Variants in HOOK3 observed in about 807,000 individuals in gnomAD.
The protein encoded by HOOK3 is hook microtubule tethering protein 3, also known as protein Hook homolog 3.
A neutral mutation model predicts 116.3 loss-of-function variants in HOOK3; 24 were observed. The observed-to-expected ratio is 0.21, with a 90% CI of 0.15 to 0.29. The LOEUF is 0.29. Ranked by LOEUF, HOOK3 falls within the 10% of genes least tolerant of loss-of-function variation. The probability of loss-of-function intolerance (pLI) is 1.00; values close to 1 mark genes in which losing one functional copy is unlikely to be tolerated. For missense variants in HOOK3, 632 were observed against 830.2 expected (o/e 0.76, Z 2.93); for synonymous variants, 275 against 283.0 (o/e 0.97, Z 0.28).
chr8:43,011,245 G>A (rs901492110), intron 19 of HOOK3, among the ~76,000 whole-genome samples: 2 of 152,010 alleles, frequency 1.3e-5, no homozygotes, highest in Non-Finnish European at 2.9e-5. Flanking sequence ...CGCCCGCCTC[G>A]GCCTCCCAAA....
chr8:43,015,547 T>C (rs1225580013), intron 21 of HOOK3, among the ~76,000 whole-genome samples: 1 of 152,026 alleles, frequency 6.6e-6, no homozygotes, highest in South Asian at 2.1e-4. Context: ...CAAATACAGA[T>C]TTCTTGAAAA....
chr8:42,974,121 A>G lies in HOOK3; in HGVS notation c.1248A>G (p.Glu416=), dbSNP rs1200835481. ...TGTCTCTCCAGAGGCTGAGAACAGA[A>G]AGGGATTCTCTGAAGGAAACCATTG... ...LQKEKDRLRT[E]RDSLKETIEE... The change falls in exon 13 of 22, where the codon GAA becomes GAG. Residue 416 remains glutamate (E), a synonymous_variant. Transcript: ENST00000307602. The G allele has an allele frequency of 6.2e-7, 1 of 1,613,596 alleles. No individual in the cohort carries two copies. Among genetic ancestry groups the G allele is most frequent in the African/African-American group, 1.3e-5 (1 of 74,946 alleles).
chr8:42,910,758 G>A (rs892879483), intron 2 of HOOK3, among the ~76,000 whole-genome samples: 6 of 152,160 alleles, frequency 3.9e-5, no homozygotes, highest in African/African-American at 1.4e-4. Flanking sequence ...GTCCAGCATG[G>A]CTGATAAAAC....
chr8:42,919,037 G>A (rs547543344), intron 2 of HOOK3, among the ~76,000 whole-genome samples: 16 of 150,258 alleles, frequency 1.1e-4, no homozygotes, highest in Admixed American at 2.6e-4. Context: ...GTGGCTGGCC[G>A]GGCGGGGGCT....
intron 14 of HOOK3, among the ~76,000 whole-genome samples, chr8:42,984,368 C>CAAA (rs773025748): frequency 8.2e-6 from 1 of 121,790 alleles, no homozygotes; most frequent in Non-Finnish European, 1.8e-5. Context: ...AACTCCATCT[C>CAAA]AAAAAAAAAA....
rs770829900 is a variant in HOOK3, at chr8:42,973,328, A to G, written c.1162A>G (p.Lys388Glu). 6.2e-7 allele frequency: 1 copy of G among 1,612,546 alleles called. No individual in the cohort carries two copies. ...AAACAGATTATCCGAAGAATCAAAG[A>G]AAGCAGATAAACTAGATTTTGAATA... ...LQNRLSEESKKADKLDFEYKR... is the reference protein window; with the variant it reads ...LQNRLSEESKEADKLDFEYKR... Residue 388 changes from lysine (K) to glutamate (E), a missense_variant, in exon 12 of 22, where the codon AAA (lysine) becomes GAA (glutamate). Lys to Glu is a moderately conservative substitution (Grantham distance 56). Around this residue, in one of 3 missense-constraint regions of HOOK3, gnomAD observed 483 missense variants for 648.1 expected, o/e 0.75. Transcript: ENST00000307602.
intron 2 of HOOK3, among the ~76,000 whole-genome samples, chr8:42,915,202 CTTTCCT>C (rs1807507762): frequency 6.6e-6 from 1 of 152,054 alleles, no homozygotes; most frequent in African/African-American, 2.4e-5. Context: ...GTGATTTTCA[CTTTCCT>C]CAGTCTCTAC....
chr8:42,921,332 A>C (rs1807653865), intron 2 of HOOK3, among the ~76,000 whole-genome samples: 2 of 152,050 alleles, frequency 1.3e-5, no homozygotes, highest in Non-Finnish European at 2.9e-5. Context: ...AGTCTTTTTT[A>C]GTTGGAAAGC....
intron 11 of HOOK3, among the ~76,000 whole-genome samples, chr8:42,970,569 A>G (rs993167973): frequency 4.6e-5 from 7 of 152,034 alleles, no homozygotes; most frequent in Admixed American, 3.9e-4. Context: ...TGCATATTTC[A>G]TTGTAGTTAC....
Position 43,028,143 on chromosome 8 carries a change from A to T in HOOK3, c.*9645A>T, listed in dbSNP as rs1405233280. ...TTTCAAGTGATAAAATCATTTTATA[A>T]ATCATTTCTTAATATCTTCAGTGTT... On this transcript the variant is annotated 3_prime_UTR_variant, in exon 22 of 22. Coordinates refer to ENST00000307602, the MANE Select transcript of HOOK3 (RefSeq NM_032410.4). The T allele has an allele frequency of 5.4e-6, 1 of 185,756 alleles. No homozygotes were observed. Among genetic ancestry groups the T allele is most frequent in the Non-Finnish European group, 1.1e-5 (1 of 87,942 alleles). 11.5% of individuals were successfully genotyped at this position (185,756 alleles called of 1,614,324 possible). A position where few individuals can be genotyped will look rare whatever the true frequency, so the allele number is the denominator to read the frequency against.
At chr8:42,928,902 TGTG>T (rs746594511) in intron 3 of HOOK3, among the ~76,000 whole-genome samples, 128 of 151,904 alleles carry the variant, frequency 8.4e-4, no homozygotes, top group South Asian at 6.2e-3. Flanking sequence ...ATTAGCCAGG[TGTG>T]GTGGCAGGCG....
intron 6 of HOOK3, among the ~76,000 whole-genome samples, chr8:42,953,598 A>T (rs950816594): frequency 6.6e-6 from 1 of 151,956 alleles, no homozygotes; most frequent in African/African-American, 2.4e-5. Context: ...AAAGATACAT[A>T]ATAGTAGTCA....
chr8:43,011,933 T>C (rs1299692971), intron 19 of HOOK3, among the ~76,000 whole-genome samples: 4 of 152,058 alleles, frequency 2.6e-5, no homozygotes, highest in South Asian at 2.1e-4. Context: ...AAAAGACCTT[T>C]CCCAGTAGTC....
At chr8:42,909,074 A>C (rs79543220) in intron 2 of HOOK3, among the ~76,000 whole-genome samples, 3,644 of 152,322 alleles carry the variant, frequency 0.024, 147 homozygotes, top group African/African-American at 0.083. Flanking sequence ...ATCACTGATC[A>C]CCAGGGAAAT....
At chr8:43,013,464 C>A in intron 21 of HOOK3, 64 bp downstream of exon 21, 1 of 1,290,474 alleles carries the variant, frequency 7.7e-7, no homozygotes, top group Non-Finnish European at 1.1e-6. Context: ...TTATTATATT[C>A]CCTTTACTGT....
chr8:43,017,937 C>T (rs1809754089), intron 21 of HOOK3, among the ~76,000 whole-genome samples: 1 of 152,168 alleles, frequency 6.6e-6, no homozygotes, highest in South Asian at 2.1e-4. Context: ...CCTAGTGTGG[C>T]TTTCCATCTT....
intron 4 of HOOK3, among the ~76,000 whole-genome samples, chr8:42,934,621 C>A (rs1054280547): frequency 6.6e-6 from 1 of 151,980 alleles, no homozygotes; most frequent in Non-Finnish European, 1.5e-5. Flanking sequence ...CAGTTCCCAC[C>A]CATGAGTGAG....
intron 1 of HOOK3, among the ~76,000 whole-genome samples, chr8:42,902,328 G>A (rs1009025976): frequency 4.0e-5 from 6 of 150,458 alleles, no homozygotes; most frequent in Admixed American, 6.6e-5. Context: ...CTGGAGTGCC[G>A]TGGAGCAGTC....
intron 18 of HOOK3, among the ~76,000 whole-genome samples, chr8:43,008,347 C>G (rs1252883123): frequency 6.6e-6 from 1 of 151,986 alleles, no homozygotes; most frequent in Non-Finnish European, 1.5e-5. Context: ...TAGGGTCTGG[C>G]TGTGTTGCCC....
Sources: allele counts gnomAD v4.1 joint callset (sites outside exome capture counted in the v4.1 genomes callset), GRCh38; gene constraint gnomAD v4.1.1; regional missense constraint gnomAD v4.1.1; transcripts MANE v1.5; gene names NCBI Gene and HGNC (gene_info 2026-07-23, HGNC 2026-07-21).